Variants in ZUP1 observed in about 807,000 individuals in gnomAD.
ZUP1 encodes the protein zinc finger containing ubiquitin peptidase 1.
Under a neutral mutation model 68.1 loss-of-function variants are expected in ZUP1, and 55 were observed. The ratio of observed to expected loss-of-function variants is 0.81; its 90% confidence interval spans 0.65 to 1.01. The LOEUF is 1.01. Ranked by LOEUF, ZUP1 falls within the 50% of genes least tolerant of loss-of-function variation. The pLI is 0.00. For synonymous variants in ZUP1, 223 were observed against 221.5 expected, an observed-to-expected ratio of 1.01 and a Z score of -0.06; for missense variants, 684 against 674.9, an observed-to-expected ratio of 1.01 and a Z score of -0.15.
Position 116,667,214 on chromosome 6 carries a change from A to G in ZUP1, c.-15-7T>C. 6.7e-7 allele frequency: 1 copy of G among 1,500,520 alleles called. No individual in the cohort carries two copies. Among genetic ancestry groups the G allele is most frequent in the Non-Finnish European group, 8.9e-7 (1 of 1,121,722 alleles). 93.0% of individuals were successfully genotyped at this position (1,500,520 alleles called of 1,614,324 possible). A position where few individuals can be genotyped will look rare whatever the true frequency, so the allele number is the denominator to read the frequency against. ...GCATGGTATTGACAAGTAGCTAGAA[A>G]AGAACATAACATTAGGTTTCAAAGA... On this transcript the variant is annotated splice_polypyrimidine_tract_variant and splice_region_variant and intron_variant, in intron 1 of 9. Transcript: ENST00000368576.
chr6:116,667,098 G>A lies in ZUP1; in HGVS notation c.95C>T (p.Pro32Leu). Residue 32 changes from proline (P) to leucine (L), a missense_variant, in exon 2 of 10, where the codon CCA (proline) becomes CTA (leucine). Coordinates refer to ENST00000368576, the MANE Select transcript of ZUP1 (RefSeq NM_145062.3). ...ATTCACACCTGACAACTTGCAAAAT[G>A]GACATATAATTTCACTTTCCATGTG... ...IVHMESEIIC[P>L]FCKLSGVNYD... The A allele has an allele frequency of 6.2e-7, 1 of 1,613,578 alleles. No homozygotes were observed. The highest frequency in any genetic ancestry group is 2.2e-5 in the East Asian group (1 of 44,806).
intron 2 of ZUP1, among the ~76,000 whole-genome samples, chr6:116,664,194 G>T (rs1228143233): frequency 6.6e-6 from 1 of 152,206 alleles, no homozygotes; most frequent in Non-Finnish European, 1.5e-5. Flanking sequence ...ATTTTGGGGG[G>T]CTGAGGTAGG....
intron 2 of ZUP1, among the ~76,000 whole-genome samples, chr6:116,661,418 C>T (rs188401212): frequency 4.0e-5 from 6 of 151,806 alleles, no homozygotes; most frequent in Non-Finnish European, 5.9e-5. Flanking sequence ...GAAAGGAAAA[C>T]CAAAGTGGTA....
intron 7 of ZUP1, among the ~76,000 whole-genome samples, chr6:116,649,093 A>G (rs1776401635): frequency 6.6e-6 from 1 of 152,188 alleles, no homozygotes; most frequent in South Asian, 2.1e-4. Flanking sequence ...AAAAGCAGGA[A>G]TAAATTTAGA....
intron 5 of ZUP1, among the ~76,000 whole-genome samples, chr6:116,656,105 G>A (rs1409498098): frequency 6.6e-6 from 1 of 150,524 alleles, no homozygotes; most frequent in African/African-American, 2.4e-5. Flanking sequence ...TTGAGATGGA[G>A]TTTCGCTCTT....
intron 1 of ZUP1, among the ~76,000 whole-genome samples, chr6:116,668,304 C>G (rs577468901): frequency 2.0e-5 from 3 of 152,260 alleles, no homozygotes; most frequent in Admixed American, 6.5e-5. Context: ...CGGTCAGACA[C>G]AGAATGATGA....
chr6:116,635,898 A>G lies in ZUP1; in HGVS notation c.1690-19T>C. The G allele has an allele frequency of 6.4e-7, 1 of 1,561,324 alleles. No homozygotes were observed. The highest frequency in any genetic ancestry group is 8.7e-7 in the Non-Finnish European group (1 of 1,152,576). Reference sequence around the variant, plus strand: ...TCCTGGCCTTGAAAAGAAATTTTAAAAAACAATTTTAAGCTATAAGTCAAT... The same window carrying G: ...TCCTGGCCTTGAAAAGAAATTTTAAGAAACAATTTTAAGCTATAAGTCAAT... On this transcript the variant is annotated intron_variant, in intron 9 of 9. Coordinates refer to ENST00000368576, the MANE Select transcript of ZUP1 (RefSeq NM_145062.3).
At position 116,651,719 on chromosome 6, in the gene ZUP1, A is replaced by G; in HGVS notation, c.1169T>C (p.Ile390Thr). 6.2e-7 allele frequency: 1 copy of G among 1,613,622 alleles called. No homozygotes were observed. Among genetic ancestry groups the G allele is most frequent in the Non-Finnish European group, 8.5e-7 (1 of 1,179,750 alleles). Residue 390 changes from isoleucine to threonine, a missense_variant, in exon 7 of 10, where the codon ATT (isoleucine) becomes ACT (threonine). Physicochemically the swap from Ile to Thr is moderately conservative, Grantham distance 89 (BLOSUM62 -1). Transcript: ENST00000368576. ...TTCAATCATAGATTGAATTTTTGGA[A>G]TGCAAGGAATCAACATACCTAAAAT... ...DCLKGMLIPCIPKIQSMIEDA... is the reference protein window; with the variant it reads ...DCLKGMLIPCTPKIQSMIEDA...
intron 1 of ZUP1, among the ~76,000 whole-genome samples, chr6:116,668,331 A>C (rs981841301): frequency 6.6e-6 from 1 of 152,226 alleles, no homozygotes; most frequent in African/African-American, 2.4e-5. Context: ...ACATGGACTC[A>C]GATTAAGCGG....
rs11398572 is a variant in ZUP1 at position 116,638,066 on chromosome 6, CAAAAAAAAAAAA to C, written c.1690-2199_1690-2188del. On this transcript the variant is annotated intron_variant, in intron 9 of 9. Coordinates refer to ENST00000368576, the MANE Select transcript of ZUP1 (RefSeq NM_145062.3). Reference sequence around the variant, plus strand: ...GGGTGACAGAGTGAGAGTCGGTCTCCAAAAAAAAAAAAAAAAAAACCTTGCCTTTGTATCCCA... The same window carrying C: ...GGGTGACAGAGTGAGAGTCGGTCTCCAAAAAAACCTTGCCTTTGTATCCCA... 1.0e-4 allele frequency among the ~76,000 whole-genome samples: 9 copies of C among 88,820 alleles called. No homozygotes were observed. The Admixed American group carries it at 1.1e-3, about 11-fold the overall frequency. The allele number at this position is 88,820 out of a possible 152,430, so 58.3% of individuals were successfully genotyped here. A position where few individuals can be genotyped will look rare whatever the true frequency, so the allele number is the denominator to read the frequency against.
At chr6:116,664,696 G>C (rs1317900612) in intron 2 of ZUP1, among the ~76,000 whole-genome samples, 1 of 151,988 alleles carries the variant, frequency 6.6e-6, no homozygotes, top group Non-Finnish European at 1.5e-5. Context: ...TGTAATAAGG[G>C]AACAAAAGTC....
At position 116,645,597 on chromosome 6, in the gene ZUP1, AAAAAG is replaced by A. The variant is rs1194465727; in HGVS notation, c.1689+112_1689+116del. 1.4e-5 allele frequency: 11 copies of A among 809,532 alleles called. No homozygotes were observed. The African/African-American group carries it at 1.4e-4, about 10-fold the overall frequency. The allele number at this position is 809,532 out of a possible 1,614,324, so 50.1% of individuals were successfully genotyped here. On this transcript the variant is annotated intron_variant, in intron 9 of 9. Coordinates refer to ENST00000368576, the MANE Select transcript of ZUP1 (RefSeq NM_145062.3). ...GACCCTGTCTCCAAAAAAAAAAAAAAAAAAGAAAAAGAATAGAAAAAAAAGAAAAA... is the reference window on the plus strand; with the variant it reads ...GACCCTGTCTCCAAAAAAAAAAAAAAAAAAAGAATAGAAAAAAAAGAAAAA...
chr6:116,641,385 CT>C lies in ZUP1; in HGVS notation c.1689+4328del, dbSNP rs1010743905. Among the ~76,000 whole-genome samples the C allele has an allele frequency of 5.8e-4, 88 of 152,156 alleles. 3 individuals carry two copies. The East Asian group carries it at 6.7e-3, about 12-fold the overall frequency. ...CTCCACCCCAAATCAGCAGAATATA[CT>C]TTTTTTTCAGCACCACACCACACCT... is the stretch of plus-strand genomic sequence containing the variant. On this transcript the variant is annotated intron_variant, in intron 9 of 9. Transcript: ENST00000368576.
chr6:116,651,900 T>A, intron 6 of ZUP1, 104 bp downstream of exon 6: 1 of 1,416,580 alleles, frequency 7.1e-7, no homozygotes. Flanking sequence ...GTTTCTTATA[T>A]AAATATCCAC....
In ZUP1 at chr6:116,647,611, C is replaced by A; in HGVS notation, c.1317-1G>T. ...TTTGTGAAAATCAACAATATGACACCTATTAAAAATTGACAAAATGCACAT... is the reference window on the plus strand; with the variant it reads ...TTTGTGAAAATCAACAATATGACACATATTAAAAATTGACAAAATGCACAT... On this transcript the variant is annotated splice_acceptor_variant, in intron 7 of 9. Coordinates refer to ENST00000368576, the MANE Select transcript of ZUP1 (RefSeq NM_145062.3). LOFTEE classifies it high-confidence loss of function. The A allele has an allele frequency of 6.6e-7, 1 of 1,513,652 alleles. No homozygotes were observed. Among genetic ancestry groups the A allele is most frequent in the Non-Finnish European group, 8.9e-7 (1 of 1,118,254 alleles). The allele number at this position is 1,513,652 out of a possible 1,614,324, so 93.8% of individuals were successfully genotyped here.
intron 8 of ZUP1, among the ~76,000 whole-genome samples, chr6:116,646,616 C>A (rs1349533511): frequency 6.6e-6 from 1 of 152,166 alleles, no homozygotes; most frequent in African/African-American, 2.4e-5. Context: ...ACTCCGCCGC[C>A]CAGGCTGGAG....
intron 5 of ZUP1, among the ~76,000 whole-genome samples, chr6:116,653,687 A>G (rs2114257987): frequency 6.6e-6 from 1 of 152,172 alleles, no homozygotes; most frequent in South Asian, 2.1e-4. Flanking sequence ...AGAGAAAGAA[A>G]GCTAAATGTA....
intron 7 of ZUP1, among the ~76,000 whole-genome samples, chr6:116,649,791 T>A (rs867133018): frequency 7.9e-5 from 12 of 152,206 alleles, no homozygotes; most frequent in Admixed American, 2.0e-4. Flanking sequence ...CTCTGTGCAG[T>A]CCTACAGCAC....
intron 5 of ZUP1, 56 bp downstream of exon 5, chr6:116,656,628 T>G (rs1312785750): frequency 6.7e-6 from 9 of 1,352,596 alleles, no homozygotes; most frequent in Non-Finnish European, 9.0e-6. Flanking sequence ...ATTCTGATTA[T>G]TACTTCAGTG....
Sources: allele counts gnomAD v4.1 joint callset (sites outside exome capture counted in the v4.1 genomes callset), GRCh38; gene constraint gnomAD v4.1.1; transcripts MANE v1.5; gene names NCBI Gene and HGNC (gene_info 2026-07-23, HGNC 2026-07-21).